The following BCAS4 variants were observed in gnomAD, a reference collection of about 807,000 sequenced individuals.
BCAS4 encodes breast carcinoma amplified sequence 4.
BCAS4 carries 9 observed loss-of-function variants against 15.7 expected under a neutral mutation model. That is an observed-to-expected ratio of 0.57 (90% CI 0.34 to 1.00). BCAS4 has a LOEUF of 1.00. Ranked by LOEUF, BCAS4 falls within the 50% of genes least tolerant of loss-of-function variation. The pLI is 0.02. For synonymous variants in BCAS4, 101 were observed against 99.5 expected (o/e 1.02, Z -0.09); for missense variants, 225 against 239.1 (o/e 0.94, Z 0.39).
chr20:50,827,376 C>T (rs1044602196), intron 2 of BCAS4, among the ~76,000 whole-genome samples: 11 of 152,178 alleles, frequency 7.2e-5, no homozygotes, highest in East Asian at 1.9e-4. Context: ...AGAGGGTCCC[C>T]GATGCCCACA....
chr20:50,831,705 G>A (rs2088345877), intron 3 of BCAS4, among the ~76,000 whole-genome samples: 1 of 152,136 alleles, frequency 6.6e-6, no homozygotes, highest in African/African-American at 2.4e-5. Flanking sequence ...ATATGTGCCA[G>A]TGCAGACACT....
chr20:50,796,267 G>T (rs1199929064), intron 1 of BCAS4, among the ~76,000 whole-genome samples: 1 of 148,056 alleles, frequency 6.8e-6, no homozygotes, highest in East Asian at 2.0e-4. Context: ...TACTTGGGAG[G>T]CTGAGGCAGG....
chr20:50,819,891 C>A (rs374162531), intron 2 of BCAS4, among the ~76,000 whole-genome samples: 3 of 152,192 alleles, frequency 2.0e-5, no homozygotes, highest in African/African-American at 7.2e-5. Flanking sequence ...CGCTCTGTCC[C>A]CCAGGCTGGA....
chr20:50,834,283 C>T (rs1024864860), intron 3 of BCAS4, among the ~76,000 whole-genome samples: 4 of 149,986 alleles, frequency 2.7e-5, no homozygotes, highest in Non-Finnish European at 4.4e-5. Flanking sequence ...AGGCTGGTCT[C>T]GAACTCTTCT....
upstream of BCAS4, chr20:50,794,898 G>A (rs2087830222): frequency 1.1e-5 from 9 of 834,786 alleles, no homozygotes; most frequent in Non-Finnish European, 1.4e-5. Context: ...GCTCGCCACT[G>A]GGTGGCGCTG....
chr20:50,876,355 C>T, intron 4 of BCAS4, 131 bp from the exon 5 acceptor site: 1 of 1,261,180 alleles, frequency 7.9e-7, no homozygotes, highest in Non-Finnish European at 1.1e-6. Flanking sequence ...ACAGGCAGTG[C>T]TGTCAGAGGA....
chr20:50,807,633 C>T (rs928756584), intron 1 of BCAS4, among the ~76,000 whole-genome samples: 2 of 152,236 alleles, frequency 1.3e-5, no homozygotes, highest in African/African-American at 4.8e-5. Context: ...ACATGGCACC[C>T]AATGTGCAGT....
At chr20:50,835,142 T>C (rs1445541491) in intron 3 of BCAS4, among the ~76,000 whole-genome samples, 1 of 152,180 alleles carries the variant, frequency 6.6e-6, no homozygotes, top group Admixed American at 6.5e-5. Context: ...CTAACAATTT[T>C]CCAAAGTGAC....
intron 1 of BCAS4, among the ~76,000 whole-genome samples, chr20:50,813,451 C>T (rs1179268980): frequency 6.6e-5 from 10 of 152,092 alleles, no homozygotes; most frequent in Non-Finnish European, 1.2e-4. Flanking sequence ...TAGCAAGAGA[C>T]GACGGTGACT....
intron 4 of BCAS4, among the ~76,000 whole-genome samples, chr20:50,869,499 C>T (rs1326152479): frequency 6.6e-6 from 1 of 152,146 alleles, no homozygotes; most frequent in African/African-American, 2.4e-5. Context: ...TCTGGGCAAG[C>T]CAGGACTGGC....
intron 1 of BCAS4, among the ~76,000 whole-genome samples, chr20:50,813,327 C>G (rs2088095298): frequency 6.6e-6 from 1 of 152,140 alleles, no homozygotes; most frequent in Non-Finnish European, 1.5e-5. Context: ...CAAAGTGGTA[C>G]AGTGGAGGAT....
intron 2 of BCAS4, among the ~76,000 whole-genome samples, chr20:50,824,982 G>GTGTT (rs1161801657): frequency 1.3e-5 from 2 of 152,102 alleles, no homozygotes; most frequent in African/African-American, 4.8e-5. Context: ...TAGACCTCTG[G>GTGTT]TGTTAGGAAG....
intron 1 of BCAS4, among the ~76,000 whole-genome samples, chr20:50,808,670 C>G (rs2088023838): frequency 6.6e-6 from 1 of 151,984 alleles, no homozygotes; most frequent in Non-Finnish European, 1.5e-5. Flanking sequence ...TGAGAACTGT[C>G]TATTCATGTC....
intron 3 of BCAS4, 133 bp from the exon 4 acceptor site, chr20:50,841,633 G>T: frequency 8.1e-7 from 1 of 1,238,512 alleles, no homozygotes; most frequent in Non-Finnish European, 1.1e-6. Context: ...CTGCTGCCTT[G>T]CAGGGAGCCC....
intron 4 of BCAS4, among the ~76,000 whole-genome samples, chr20:50,866,350 G>A: frequency 6.6e-6 from 1 of 152,214 alleles, no homozygotes; most frequent in Admixed American, 6.5e-5. Flanking sequence ...TGGAGCCACT[G>A]CCAGCTTGGA....
chr20:50,845,063 G>T (rs2088527279), intron 4 of BCAS4, among the ~76,000 whole-genome samples: 1 of 152,130 alleles, frequency 6.6e-6, no homozygotes, highest in Non-Finnish European at 1.5e-5. Context: ...CATCACCGCT[G>T]GTGTTGGGGC....
chr20:50,835,926 T>C (rs1323739147), intron 3 of BCAS4, among the ~76,000 whole-genome samples: 1 of 151,986 alleles, frequency 6.6e-6, no homozygotes, highest in Non-Finnish European at 1.5e-5. Flanking sequence ...TCTTTTCTTT[T>C]TTTTTTTCGG....
intron 3 of BCAS4, among the ~76,000 whole-genome samples, chr20:50,837,078 C>T (rs2088418601): frequency 6.6e-6 from 1 of 152,180 alleles, no homozygotes; most frequent in African/African-American, 2.4e-5. Context: ...TAAGAACTCA[C>T]TTCAACTCCA....
At chr20:50,803,842 C>T (rs1283884053) in intron 1 of BCAS4, among the ~76,000 whole-genome samples, 3 of 149,736 alleles carry the variant, frequency 2.0e-5, no homozygotes, top group Non-Finnish European at 4.4e-5. Flanking sequence ...ATACTGATTG[C>T]TTGCCCCCAT....
Sources: allele counts gnomAD v4.1 joint callset (sites outside exome capture counted in the v4.1 genomes callset), GRCh38; gene constraint gnomAD v4.1.1; transcripts MANE v1.5; gene names NCBI Gene and HGNC (gene_info 2026-07-23, HGNC 2026-07-21).